DMD: variants seen among roughly 807,000 people sequenced by gnomAD.
The protein encoded by DMD is dystrophin.
Under a neutral mutation model 330.1 loss-of-function variants are expected in DMD, and 63 were observed. The observed-to-expected ratio is 0.19, with a 90% CI of 0.16 to 0.24. The LOEUF (loss-of-function observed/expected upper bound fraction) is 0.24, where lower values mean the gene tolerates loss of function less well. DMD is among the 10% of genes least tolerant of loss of function. DMD has a pLI of 1.00. For missense variants in DMD, 3,344 were observed against 2,684.1 expected (o/e 1.25, Z -5.43); for synonymous variants, 1,223 against 959.8 (o/e 1.27, Z -5.07).
chrX:32,911,145 C>T (rs940689064), intron 2 of DMD, among the ~76,000 whole-genome samples: 4 of 112,327 alleles, frequency 3.6e-5, no homozygotes, highest in African/African-American at 1.3e-4. Flanking sequence ...ACCTCTGAAT[C>T]CTTTATTGAC....
intron 1 of DMD, among the ~76,000 whole-genome samples, chrX:33,152,068 G>C (rs1284439117): frequency 9.0e-6 from 1 of 111,323 alleles, no homozygotes; most frequent in Non-Finnish European, 1.9e-5. Context: ...CTTTACATTT[G>C]TATGTTTTGT....
intron 9 of DMD, among the ~76,000 whole-genome samples, chrX:32,681,088 C>T (rs1290730415): frequency 8.9e-6 from 1 of 111,952 alleles, no homozygotes; most frequent in East Asian, 2.8e-4. Flanking sequence ...GCAAAGATTC[C>T]AAAATATCTG....
chrX:31,973,115 T>C (rs774711957), intron 44 of DMD, among the ~76,000 whole-genome samples: 2 of 110,753 alleles, frequency 1.8e-5, no homozygotes, highest in Admixed American at 1.9e-4. Context: ...TCAAGGCATA[T>C]GCTAAGCACA....
chrX:31,829,587 T>C lies in DMD; in HGVS notation c.7200+7131A>G, dbSNP rs889658634. ...TATCATTAAGACAAGGAAAAAAGCC[T>C]TCTAGAAATAGATATTATTTGATGT... On this transcript the variant is annotated intron_variant, in intron 49 of 78. Coordinates refer to ENST00000357033, the MANE Select transcript of DMD (RefSeq NM_004006.3). Among the ~76,000 whole-genome samples the C allele has an allele frequency of 4.5e-5, 5 of 111,590 alleles. 1 individual carries two copies. In the Admixed American group the frequency reaches 4.8e-4, roughly 11 times the overall value.
intron 17 of DMD, among the ~76,000 whole-genome samples, chrX:32,538,624 G>C (rs892080100): frequency 3.6e-5 from 4 of 111,406 alleles, no homozygotes; most frequent in Non-Finnish European, 7.5e-5. Flanking sequence ...TAAGGAAAGA[G>C]AATCAGGGGT....
rs372706428 is a variant in DMD at position 32,359,619 on chromosome X, G to A, written c.5325+3169C>T. ...AGCACTTCAGCACTTCCCTACTCCA[G>A]AGCAAACACACACAAGACATTAAAT... On this transcript the variant is annotated intron_variant, in intron 37 of 78. Coordinates refer to ENST00000357033, the MANE Select transcript of DMD (RefSeq NM_004006.3). Among the ~76,000 whole-genome samples the A allele has an allele frequency of 3.5e-4, 39 of 111,360 alleles. No individual in the cohort carries two copies. The South Asian group carries it at 9.8e-3, about 28-fold the overall frequency.
chrX:31,836,483 C>A (rs754106912), intron 49 of DMD, among the ~76,000 whole-genome samples: 1 of 112,151 alleles, frequency 8.9e-6, no homozygotes, highest in African/African-American at 3.2e-5. Flanking sequence ...GGCAGCACAC[C>A]AGGACAGAAA....
intron 44 of DMD, among the ~76,000 whole-genome samples, chrX:31,991,483 T>C (rs2095550125): frequency 9.1e-6 from 1 of 110,414 alleles, no homozygotes; most frequent in Non-Finnish European, 1.9e-5. Flanking sequence ...AAGTCAATTG[T>C]GGGGATGACT....
intron 19 of DMD, 70 bp downstream of exon 19, chrX:32,501,685 G>T: frequency 1.3e-6 from 1 of 767,592 alleles, no homozygotes; most frequent in Non-Finnish European, 2.0e-6. Context: ...ATATAATTCA[G>T]CTGATAAATA....
chrX:32,568,509 GA>G lies in DMD; in HGVS notation c.1813-2629del, dbSNP rs35867606. Among the ~76,000 whole-genome samples the G allele has an allele frequency of 2.4e-3, 217 of 91,991 alleles. 1 individual carries two copies. The highest frequency in any genetic ancestry group is 6.2e-3 in the Middle Eastern group (1 of 161). The allele number at this position is 91,991 out of a possible 115,157, so 79.9% of individuals were successfully genotyped here. On this transcript the variant is annotated intron_variant, in intron 15 of 78. Transcript: ENST00000357033. ...GCAACAGAGCAAGACTCCATCTCAAGAAAAAAAAAAAAATCCAATTAGGAAA... is the reference window on the plus strand; with the variant it reads ...GCAACAGAGCAAGACTCCATCTCAAGAAAAAAAAAAAATCCAATTAGGAAA...
intron 60 of DMD, among the ~76,000 whole-genome samples, chrX:31,402,067 A>G (rs1170813278): frequency 8.9e-6 from 1 of 112,077 alleles, no homozygotes; most frequent in East Asian, 2.8e-4. Flanking sequence ...AAACACAAAT[A>G]CAAGGCTAGA....
chrX:32,932,602 G>A (rs1469175614), intron 2 of DMD, among the ~76,000 whole-genome samples: 1 of 112,045 alleles, frequency 8.9e-6, no homozygotes, highest in Non-Finnish European at 1.9e-5. Flanking sequence ...AAGGAGAGTC[G>A]TGGGTACATA....
rs770374325 is a variant in DMD at position 31,801,588 on chromosome X, C to A, written c.7309+18387G>T. ...GATCTTAAGTGTCCTCATCCCCCCC[C>A]CCCAACACACACACAATAGTAACTA... On this transcript the variant is annotated intron_variant, in intron 50 of 78. Coordinates refer to ENST00000357033, the MANE Select transcript of DMD (RefSeq NM_004006.3). Among the ~76,000 whole-genome samples, 29 of 78,746 alleles carry A rather than the reference C, an allele frequency of 3.7e-4. No individual in the cohort carries two copies. The South Asian group carries it at 7.4e-3, about 20-fold the overall frequency. 68.4% of individuals were successfully genotyped at this position (78,746 alleles called of 115,157 possible). A position where few individuals can be genotyped will look rare whatever the true frequency, so the allele number is the denominator to read the frequency against.
rs190392632 is a variant in DMD, at chrX:32,747,670, T to C, written c.650-48377A>G. 1.3e-4 allele frequency among the ~76,000 whole-genome samples: 14 copies of C among 110,764 alleles called. No homozygotes were observed. The East Asian group carries it at 2.6e-3, about 21-fold the overall frequency. On this transcript the variant is annotated intron_variant, in intron 7 of 78. Transcript: ENST00000357033. Reference sequence around the variant, plus strand: ...ACCTCGCTAATTTTTTTTTTAAGTATTTTTTGCTGTGTTTCTCAGTCTTGT... The same window carrying C: ...ACCTCGCTAATTTTTTTTTTAAGTACTTTTTGCTGTGTTTCTCAGTCTTGT...
chrX:32,737,165 A>G (rs1186938423), intron 7 of DMD, among the ~76,000 whole-genome samples: 7 of 107,831 alleles, frequency 6.5e-5, no homozygotes, highest in Non-Finnish European at 1.4e-4. Context: ...AATCTATATA[A>G]TTTTTTTTTT....
intron 1 of DMD, among the ~76,000 whole-genome samples, chrX:33,040,239 C>T (rs2094276555): frequency 9.0e-6 from 1 of 110,846 alleles, no homozygotes; most frequent in Non-Finnish European, 1.9e-5. Context: ...AAGTCAAACC[C>T]ATTTTCCAGA....
rs185905013 is a variant in DMD, at chrX:32,382,580, G to T, written c.4675-1900C>A. 6.6e-5 allele frequency among the ~76,000 whole-genome samples: 7 copies of T among 106,022 alleles called. No individual in the cohort carries two copies. The East Asian group carries it at 2.1e-3, about 32-fold the overall frequency. 92.1% of individuals were successfully genotyped at this position (106,022 alleles called of 115,157 possible). ...CATTTAGAAAACATTTAGTTGCTGAGGCTGTAAATTCATTTTTTAAACAGA... is the reference window on the plus strand; with the variant it reads ...CATTTAGAAAACATTTAGTTGCTGATGCTGTAAATTCATTTTTTAAACAGA... On this transcript the variant is annotated intron_variant, in intron 33 of 78. Transcript: ENST00000357033.
At position 32,663,112 on chromosome X, in the gene DMD, T is replaced by C. The variant is rs148876687; in HGVS notation, c.961-17960A>G. Among the ~76,000 whole-genome samples, 824 of 112,029 alleles carry C rather than the reference T, an allele frequency of 7.4e-3. 5 individuals carry two copies. Among genetic ancestry groups the C allele is most frequent in the Non-Finnish European group, 0.012 (629 of 53,144 alleles). ...AACCAAATTTGCAAAGGAAGATTGA[T>C]GATAATCTTGAGTGGAGTCTACTAG... On this transcript the variant is annotated intron_variant, in intron 9 of 78. Transcript: ENST00000357033.
intron 44 of DMD, among the ~76,000 whole-genome samples, chrX:32,205,037 ACACACC>A (rs377744903): frequency 0.011 from 944 of 87,243 alleles, 15 homozygotes; most frequent in Middle Eastern, 0.016. Flanking sequence ...ACACACACAC[ACACACC>A]CACACACACA....
Sources: gnomAD v4.1 joint callset for allele counts (sites outside exome capture counted in the v4.1 genomes callset) on GRCh38, gnomAD v4.1.1 for gene constraint, MANE v1.5 for transcripts, NCBI Gene and HGNC (gene_info 2026-07-23, HGNC 2026-07-21) for gene names.